Variants in A2ML1 observed in about 807,000 individuals in gnomAD.
A2ML1 encodes the protein alpha-2-macroglobulin like 1.
A neutral mutation model predicts 181.9 loss-of-function variants in A2ML1; 161 were observed. The observed-to-expected ratio is 0.89, with a 90% CI of 0.78 to 1.01. The LOEUF (loss-of-function observed/expected upper bound fraction) is 1.01, where lower values mean the gene tolerates loss of function less well. Among genes scored for constraint, A2ML1 ranks in the 50% least tolerant of loss-of-function variants. The probability of loss-of-function intolerance (pLI) is 0.00; values close to 1 mark genes in which losing one functional copy is unlikely to be tolerated. For missense variants in A2ML1, 1,670 were observed against 1,768.1 expected, an observed-to-expected ratio of 0.94 and a Z score of 1.00; for synonymous variants, 663 against 666.8, an observed-to-expected ratio of 0.99 and a Z score of 0.09.
intron 14 of A2ML1, among the ~76,000 whole-genome samples, chr12:8,846,810 C>CA (rs199881026): frequency 0.17 from 21,754 of 130,038 alleles, 2,384 homozygotes; most frequent in African/African-American, 0.33. Flanking sequence ...GACTCTGTCT[C>CA]AAAAAAAAAA....
In A2ML1 at chr12:8,875,002, C is replaced by T. The variant is rs1944756812; in HGVS notation, c.4356C>T (p.Pro1452=). 2 of 1,614,096 alleles carry T rather than the reference C, an allele frequency of 1.2e-6. No homozygotes were observed. Among genetic ancestry groups the T allele is most frequent in the Non-Finnish European group, 1.7e-6 (2 of 1,179,990 alleles). The change falls in exon 35 of 36, where the codon CCC becomes CCT. Residue 1452 remains proline, a synonymous_variant. Transcript: ENST00000299698. ...AGGCAACAATTCAGTATTCTGATCC[C>T]TGTGAATGAGGTAAGTCCAGCGGAG... ...DEQATIQYSD[P]CE
intron 26 of A2ML1, among the ~76,000 whole-genome samples, chr12:8,858,678 C>G (rs893898324): frequency 6.6e-6 from 1 of 152,096 alleles, no homozygotes; most frequent in African/African-American, 2.4e-5. Context: ...TTGTTGGAAA[C>G]GCAGATTCTG....
At chr12:8,825,947 TG>T (rs1443291048) in intron 3 of A2ML1, among the ~76,000 whole-genome samples, 1 of 152,218 alleles carries the variant, frequency 6.6e-6, no homozygotes, top group Non-Finnish European at 1.5e-5. Flanking sequence ...CATTGGTCTA[TG>T]TATTTGTTTT....
chr12:8,839,021 C>A, intron 9 of A2ML1, 92 bp from the exon 10 acceptor site: 2 of 838,258 alleles, frequency 2.4e-6, no homozygotes, highest in East Asian at 2.7e-5. Context: ...AACTTCATCC[C>A]TCTGCCACCA....
At chr12:8,881,879 T>C (rs1354968260) in intron 7 of A2ML1, among the ~76,000 whole-genome samples, 7 of 151,554 alleles carry the variant, frequency 4.6e-5, no homozygotes, top group Admixed American at 1.3e-4. Context: ...GGTGTGGTGG[T>C]GGGTGCCTGT....
intron 6 of A2ML1, 79 bp downstream of exon 6, chr12:8,835,745 G>A (rs914203325): frequency 3.2e-6 from 5 of 1,565,492 alleles, no homozygotes; most frequent in South Asian, 1.2e-5. Context: ...CGGGCGCAGT[G>A]GCTCACGCCT....
downstream of A2ML1, among the ~76,000 whole-genome samples, chr12:8,877,037 G>A (rs191460138): frequency 1.3e-4 from 20 of 152,244 alleles, 1 homozygote; most frequent in Middle Eastern, 3.4e-3. Context: ...CCAGAATGCC[G>A]TTTCCATCTC....
chr12:8,838,466 C>T lies in A2ML1; in HGVS notation c.970+16C>T, dbSNP rs769781211. 31 of 1,595,164 alleles carry T rather than the reference C, an allele frequency of 1.9e-5. No individual in the cohort carries two copies. The highest frequency in any genetic ancestry group is 2.2e-5 in the Non-Finnish European group (26 of 1,167,088). ...GAAGGGACAGGTAAGTAGGGTGCTC[C>T]TTGGCTCATTAAGAAAAGAGAAAGA... On this transcript the variant is annotated intron_variant, in intron 9 of 35. Coordinates refer to ENST00000299698, the MANE Select transcript of A2ML1 (RefSeq NM_144670.6).
chr12:8,844,901 TG>T (rs991443885), intron 12 of A2ML1: 1 of 988,168 alleles, frequency 1.0e-6, no homozygotes, highest in African/African-American at 1.7e-5. Flanking sequence ...TGCAGGAGCG[TG>T]GGATGAGAGC....
intron 12 of A2ML1, chr12:8,845,194 C>G (rs1313136897): frequency 1.3e-6 from 2 of 1,534,484 alleles, no homozygotes; most frequent in Non-Finnish European, 1.7e-6. Flanking sequence ...AATTTCTATG[C>G]TGTCAGACTC....
At chr12:8,837,385 G>T in intron 7 of A2ML1, 55 bp from the exon 8 acceptor site, 1 of 1,603,214 alleles carries the variant, frequency 6.2e-7, no homozygotes, top group Non-Finnish European at 8.5e-7. Context: ...TGAGGGAAGA[G>T]TTGGATCTCA....
At chr12:8,829,654 CAAAAAAAAAA>C (rs778132993) in intron 3 of A2ML1, 63 bp from the exon 4 acceptor site, 1 of 1,113,310 alleles carries the variant, frequency 9.0e-7, no homozygotes, top group South Asian at 1.5e-5. Context: ...GACCCTGTAT[CAAAAAAAAAA>C]AAAAAAAAAA....
intron 15 of A2ML1, 34 bp downstream of exon 15, chr12:8,847,732 G>A: frequency 3.8e-6 from 6 of 1,590,994 alleles, no homozygotes; most frequent in Non-Finnish European, 5.1e-6. Flanking sequence ...GTGGGAGGAG[G>A]GAGTTGATGG....
intron 26 of A2ML1, 147 bp downstream of exon 26, chr12:8,858,249 T>G: frequency 1.0e-6 from 1 of 969,030 alleles, no homozygotes. Flanking sequence ...TCAAAATGCT[T>G]AGCTGGTCTG....
At chr12:8,857,752 G>T in intron 25 of A2ML1, 164 bp downstream of exon 25, 2 of 1,096,610 alleles carry the variant, frequency 1.8e-6, no homozygotes, top group Non-Finnish European at 1.3e-6. Context: ...CAAGTCCCTC[G>T]ATCTTCCTGA....
intron 16 of A2ML1, 97 bp downstream of exon 16, chr12:8,849,011 G>T: frequency 9.9e-6 from 13 of 1,315,738 alleles, no homozygotes; most frequent in African/African-American, 1.5e-5. Context: ...ACTCATATGG[G>T]CACTGATGGG....
At chr12:8,856,754 G>A (rs1944075836) in intron 23 of A2ML1, among the ~76,000 whole-genome samples, 1 of 152,136 alleles carries the variant, frequency 6.6e-6, no homozygotes. Context: ...TACATATCCA[G>A]TATGACATTG....
chr12:8,868,145 C>G, intron 30 of A2ML1, 85 bp from the exon 31 acceptor site: 1 of 1,609,592 alleles, frequency 6.2e-7, no homozygotes, highest in South Asian at 1.1e-5. Flanking sequence ...CTCTTTCTTT[C>G]TCACTTGTAA....
Position 8,829,789 on chromosome 12 carries a change from G to A in A2ML1, c.462+10G>A, listed in dbSNP as rs2136729288. ...TCCAGTGAATGACAAGGTGAGTTGG[G>A]AGGAGGAGAAGGAGTGGCGCAGGGA... is the stretch of plus-strand genomic sequence containing the variant. On this transcript the variant is annotated intron_variant, in intron 4 of 35. Transcript: ENST00000299698. The A allele has an allele frequency of 6.2e-7, 1 of 1,611,902 alleles. No homozygotes were observed.
Sources: gnomAD v4.1 joint callset for allele counts (sites outside exome capture counted in the v4.1 genomes callset) on GRCh38, gnomAD v4.1.1 for gene constraint, MANE v1.5 for transcripts, NCBI Gene and HGNC (gene_info 2026-07-23, HGNC 2026-07-21) for gene names.